The following ARHGAP44 variants were observed in gnomAD, a reference collection of about 807,000 sequenced individuals.
The protein encoded by ARHGAP44 is Rho GTPase activating protein 44, also known as rho GTPase-activating protein 44.
Under a neutral mutation model 106.8 loss-of-function variants are expected in ARHGAP44, and 43 were observed. That is an observed-to-expected ratio of 0.40 (90% CI 0.32 to 0.52). The LOEUF (loss-of-function observed/expected upper bound fraction) is 0.52, where lower values mean the gene tolerates loss of function less well. Among genes scored for constraint, ARHGAP44 ranks in the 20% least tolerant of loss-of-function variants. The probability of loss-of-function intolerance (pLI) is 0.48; values close to 1 mark genes in which losing one functional copy is unlikely to be tolerated. For synonymous variants in ARHGAP44, 439 were observed against 410.3 expected (o/e 1.07, Z -0.85); for missense variants, 866 against 1,050.5 (o/e 0.82, Z 2.43).
rs185271065 is a variant in ARHGAP44, at chr17:12,808,149, C to T, written c.53+18258C>T. ...GGGCTCCCACAACCTGGGGCAGCTC[C>T]GCCCTTGTGGATTTGCAGGCTACAG... On this transcript the variant is annotated intron_variant, in intron 1 of 20. Transcript: ENST00000379672. Among the ~76,000 whole-genome samples the T allele has an allele frequency of 2.4e-4, 37 of 152,360 alleles. No homozygotes were observed. In the East Asian group the frequency reaches 5.2e-3, roughly 21 times the overall value.
chr17:12,986,817 A>C (rs1353545222), intron 20 of ARHGAP44: 2 of 345,858 alleles, frequency 5.8e-6, no homozygotes, highest in Non-Finnish European at 1.0e-5. Flanking sequence ...GGGCTCTAAG[A>C]AGCGGAGTGG....
At chr17:12,864,444 C>G (rs1045065906) in intron 1 of ARHGAP44, among the ~76,000 whole-genome samples, 5 of 152,060 alleles carry the variant, frequency 3.3e-5, no homozygotes, top group Middle Eastern at 3.2e-3. Context: ...TGAATTACTC[C>G]TTGTGATTAG....
At chr17:12,899,341 A>G (rs2037305764) in intron 3 of ARHGAP44, among the ~76,000 whole-genome samples, 1 of 152,156 alleles carries the variant, frequency 6.6e-6, no homozygotes, top group South Asian at 2.1e-4. Flanking sequence ...TTGTCATCAT[A>G]TGACTGAATA....
intron 16 of ARHGAP44, among the ~76,000 whole-genome samples, chr17:12,970,707 A>C (rs1388898641): frequency 6.6e-6 from 1 of 152,210 alleles, no homozygotes; most frequent in Admixed American, 6.5e-5. Context: ...CTCCTTTCTT[A>C]AGAAACAGCA....
intron 20 of ARHGAP44, among the ~76,000 whole-genome samples, chr17:12,989,101 C>CAAAAAAAAAAA (rs71144942): frequency 4.4e-5 from 2 of 45,160 alleles, no homozygotes; most frequent in African/African-American, 1.7e-4. Context: ...CCACCCCCCC[C>CAAAAAAAAAAA]AAAAAAAAAA....
intron 3 of ARHGAP44, among the ~76,000 whole-genome samples, chr17:12,905,010 TC>T (rs2037505021): frequency 6.6e-6 from 1 of 151,666 alleles, no homozygotes; most frequent in Admixed American, 6.6e-5. Context: ...CTAGCAATTC[TC>T]CTGCCTCAGC....
intron 1 of ARHGAP44, among the ~76,000 whole-genome samples, chr17:12,859,822 G>A (rs1037079270): frequency 2.6e-5 from 4 of 152,188 alleles, no homozygotes; most frequent in African/African-American, 4.8e-5. Context: ...GAGCAGGCAC[G>A]GAAAGAGGGA....
At chr17:12,896,552 A>C in intron 3 of ARHGAP44, 41 bp downstream of exon 3, 1 of 1,531,406 alleles carries the variant, frequency 6.5e-7, no homozygotes, top group Non-Finnish European at 8.8e-7. Context: ...AATCTTGCCT[A>C]CTGAGGACAA....
chr17:12,906,375 T>C (rs1048546550), intron 3 of ARHGAP44, among the ~76,000 whole-genome samples: 5 of 152,188 alleles, frequency 3.3e-5, no homozygotes, highest in African/African-American at 1.2e-4. Context: ...GGTTAAGGGC[T>C]CAGTCCTACA....
intron 1 of ARHGAP44, among the ~76,000 whole-genome samples, chr17:12,891,106 C>T (rs1325800369): frequency 6.6e-6 from 1 of 152,138 alleles, no homozygotes; most frequent in African/African-American, 2.4e-5. Context: ...AAGTTTTACC[C>T]TTCATACAGC....
intron 4 of ARHGAP44, among the ~76,000 whole-genome samples, chr17:12,910,356 G>A (rs75879188): frequency 0.056 from 8,289 of 146,966 alleles, 268 homozygotes; most frequent in Admixed American, 0.089. Flanking sequence ...CAGGAGAAAA[G>A]CAAATAAATT....
In ARHGAP44 at chr17:12,931,798, C is replaced by T. The variant is rs146567939; in HGVS notation, c.582+2752C>T. Among the ~76,000 whole-genome samples, 776 of 151,390 alleles carry T rather than the reference C, an allele frequency of 5.1e-3. 2 individuals carry two copies. Among genetic ancestry groups the T allele is most frequent in the Non-Finnish European group, 9.3e-3 (629 of 67,936 alleles). On this transcript the variant is annotated intron_variant, in intron 7 of 20. Coordinates refer to ENST00000379672, the MANE Select transcript of ARHGAP44 (RefSeq NM_014859.6). ...ACAGGCATGAGCCACCGCACCCAGC[C>T]GTTAGTCTTTTTTATAAATTGCATG...
intron 20 of ARHGAP44, chr17:12,985,226 G>T (rs1195112783): frequency 3.4e-6 from 1 of 295,538 alleles, no homozygotes; most frequent in African/African-American, 2.2e-5. Context: ...GGAGAGGCTG[G>T]AAGCTGGTTA....
intron 3 of ARHGAP44, among the ~76,000 whole-genome samples, chr17:12,896,887 A>G (rs558600513): frequency 6.6e-4 from 101 of 152,296 alleles, no homozygotes; most frequent in African/African-American, 2.3e-3. Flanking sequence ...CCTCAATAGT[A>G]TCTTAAGATC....
At chr17:12,810,655 C>T (rs1189132821) in intron 1 of ARHGAP44, among the ~76,000 whole-genome samples, 2 of 152,182 alleles carry the variant, frequency 1.3e-5, no homozygotes, top group African/African-American at 4.8e-5. Flanking sequence ...CTCAGTAGGG[C>T]TTTCCAGTTG....
intron 18 of ARHGAP44, among the ~76,000 whole-genome samples, chr17:12,975,083 T>C (rs1389854680): frequency 6.6e-6 from 1 of 151,952 alleles, no homozygotes; most frequent in Non-Finnish European, 1.5e-5. Context: ...CTCCTGACTT[T>C]AAGTGATCCA....
At position 12,806,859 on chromosome 17, in the gene ARHGAP44, C is replaced by A. The variant is rs1481721413; in HGVS notation, c.53+16968C>A. Among the ~76,000 whole-genome samples the A allele has an allele frequency of 2.6e-5, 4 of 152,262 alleles. No homozygotes were observed. In the East Asian group the frequency reaches 7.7e-4, roughly 29 times the overall value. Reference sequence around the variant, plus strand: ...CATGAATTGGGCAGCACCAGACCACCAGTGGTTCAGGGCTCTGTTGATAGG... The same window carrying A: ...CATGAATTGGGCAGCACCAGACCACAAGTGGTTCAGGGCTCTGTTGATAGG... On this transcript the variant is annotated intron_variant, in intron 1 of 20. Transcript: ENST00000379672.
intron 16 of ARHGAP44, among the ~76,000 whole-genome samples, chr17:12,971,579 TC>T (rs2039528532): frequency 6.6e-6 from 1 of 152,160 alleles, no homozygotes; most frequent in Non-Finnish European, 1.5e-5. Context: ...AGACCACAGT[TC>T]GATGATCTTC....
intron 16 of ARHGAP44, among the ~76,000 whole-genome samples, chr17:12,962,460 GA>G (rs1255428110): frequency 4.6e-5 from 7 of 152,084 alleles, no homozygotes; most frequent in African/African-American, 1.7e-4. Context: ...CCTTATTTTG[GA>G]AAAAGGTCTT....
Sources: gnomAD v4.1 joint callset for allele counts (sites outside exome capture counted in the v4.1 genomes callset) on GRCh38, gnomAD v4.1.1 for gene constraint, MANE v1.5 for transcripts, NCBI Gene and HGNC (gene_info 2026-07-23, HGNC 2026-07-21) for gene names.